The following ANKRD10 variants were observed in gnomAD, a reference collection of about 807,000 sequenced individuals.
The protein encoded by ANKRD10 is ankyrin repeat domain-containing protein 10.
ANKRD10 carries 14 observed loss-of-function variants against 27.0 expected under a neutral mutation model. The observed-to-expected ratio is 0.52, with a 90% confidence interval of 0.34 to 0.81. The LOEUF is 0.81. Among genes scored for constraint, ANKRD10 ranks in the 40% least tolerant of loss-of-function variants. The probability of loss-of-function intolerance (pLI) is 0.01; values close to 1 mark genes in which losing one functional copy is unlikely to be tolerated. For synonymous variants in ANKRD10, 250 were observed against 224.5 expected (o/e 1.11, Z -1.01); for missense variants, 493 against 544.0 (o/e 0.91, Z 0.93).
Position 110,893,095 on chromosome 13 carries a change from C to T in ANKRD10, c.624G>A (p.Val208=). ...CCAAGCATCTCTTTCGATTTGTTCC[C>T]ACACTAATATGATTAGGAAATACAT... ...HQNVFPNHIS[V]GTNRKRCLED... Residue 208 remains valine, a synonymous_variant, in exon 4 of 6, where the codon GTG becomes GTA. Transcript: ENST00000267339. 6.2e-7 allele frequency: 1 copy of T among 1,614,188 alleles called. No individual in the cohort carries two copies. The highest frequency in any genetic ancestry group is 8.5e-7 in the Non-Finnish European group (1 of 1,180,038).
At chr13:110,906,811 A>C (rs1371260636) in intron 2 of ANKRD10, among the ~76,000 whole-genome samples, 1 of 151,880 alleles carries the variant, frequency 6.6e-6, no homozygotes, top group Non-Finnish European at 1.5e-5. Context: ...TGGTTCAGAA[A>C]GTGCAGAGGG....
intron 3 of ANKRD10, among the ~76,000 whole-genome samples, chr13:110,902,255 T>C (rs2065406198): frequency 6.6e-6 from 1 of 152,172 alleles, no homozygotes; most frequent in South Asian, 2.1e-4. Flanking sequence ...AAATCTAGGT[T>C]ACATTTTGCT....
rs563921041 is a variant in ANKRD10, at chr13:110,890,660, T to G, written c.691+2368A>C. Among the ~76,000 whole-genome samples the G allele has an allele frequency of 2.0e-5, 3 of 152,330 alleles. No individual in the cohort carries two copies. In the South Asian group the frequency reaches 6.2e-4, roughly 32 times the overall value. ...TCACAGAAACATCAGTCATGTACTGTGTACCTGCAACAGTGGCTCAACCTG... is the reference window on the plus strand; with the variant it reads ...TCACAGAAACATCAGTCATGTACTGGGTACCTGCAACAGTGGCTCAACCTG... On this transcript the variant is annotated intron_variant, in intron 4 of 5. Coordinates refer to ENST00000267339, the MANE Select transcript of ANKRD10 (RefSeq NM_017664.4).
At chr13:110,880,946 A>C (rs1034952850) in intron 5 of ANKRD10, among the ~76,000 whole-genome samples, 2 of 152,172 alleles carry the variant, frequency 1.3e-5, no homozygotes, top group African/African-American at 4.8e-5. Flanking sequence ...ACTTTCAAAA[A>C]CCACCTTTGC....
chr13:110,891,202 C>A (rs1174139118), intron 4 of ANKRD10, among the ~76,000 whole-genome samples: 1 of 152,092 alleles, frequency 6.6e-6, no homozygotes, highest in East Asian at 1.9e-4. Flanking sequence ...ATGTACAATT[C>A]GTGCATGAGG....
At chr13:110,903,374 C>T (rs1045231277) in intron 3 of ANKRD10, 1 of 153,396 alleles carries the variant, frequency 6.5e-6, no homozygotes, top group Non-Finnish European at 1.5e-5. Flanking sequence ...TAATAATGAC[C>T]AACATATAAG....
intron 1 of ANKRD10, among the ~76,000 whole-genome samples, chr13:110,913,972 G>T (rs537773931): frequency 2.0e-5 from 3 of 152,206 alleles, no homozygotes; most frequent in Non-Finnish European, 2.9e-5. Flanking sequence ...AAAAAGAGGG[G>T]AACGTAAAGC....
rs1338239831 is a variant in ANKRD10, at chr13:110,893,111, G to C, written c.608C>G (p.Pro203Arg). Residue 203 changes from proline (P) to arginine (R), a missense_variant, in exon 4 of 6, where the codon CCT (proline) becomes CGT (arginine). Pro to Arg is a moderately radical substitution (Grantham distance 103, BLOSUM62 -2). Transcript: ENST00000267339. ...ATTTGTTCCCACACTAATATGATTA[G>C]GAAATACATTCTGATGACCCCCATT... ...ILNGGHQNVF[P>R]NHISVGTNRK... 1 of 1,614,186 alleles carries C rather than the reference G, an allele frequency of 6.2e-7. No homozygotes were observed. The highest frequency in any genetic ancestry group is 8.5e-7 in the Non-Finnish European group (1 of 1,180,016).
chr13:110,887,462 G>GT (rs926564887), intron 4 of ANKRD10, among the ~76,000 whole-genome samples: 1 of 152,180 alleles, frequency 6.6e-6, no homozygotes, highest in African/African-American at 2.4e-5. Context: ...AAACAGGACT[G>GT]TAATTGCCAG....
intron 4 of ANKRD10, chr13:110,892,694 C>G: frequency 3.0e-6 from 3 of 983,860 alleles, no homozygotes; most frequent in Non-Finnish European, 3.6e-6. Flanking sequence ...AAAAAAAATT[C>G]AGGCACAGTG....
chr13:110,889,729 G>A (rs1566456314), intron 4 of ANKRD10, among the ~76,000 whole-genome samples: 1 of 152,118 alleles, frequency 6.6e-6, no homozygotes, highest in Non-Finnish European at 1.5e-5. Context: ...CTTTTTTAAA[G>A]GGTGAATTTT....
chr13:110,910,800 C>T (rs771188210), intron 1 of ANKRD10, 30 bp from the exon 2 acceptor site: 12 of 1,605,096 alleles, frequency 7.5e-6, no homozygotes, highest in East Asian at 2.2e-5. Flanking sequence ...AATGAAAACA[C>T]GCAGACATGT....
At chr13:110,890,394 G>A (rs1354805357) in intron 4 of ANKRD10, among the ~76,000 whole-genome samples, 3 of 152,174 alleles carry the variant, frequency 2.0e-5, no homozygotes, top group Admixed American at 6.5e-5. Flanking sequence ...ATAGGGAAAC[G>A]AGTGGTGGGA....
At chr13:110,893,377 G>C in intron 3 of ANKRD10, 114 bp from the exon 4 acceptor site, 2 of 937,628 alleles carry the variant, frequency 2.1e-6, no homozygotes, top group Non-Finnish European at 1.6e-6. Context: ...CAAATTCATA[G>C]CAAATCTTCA....
chr13:110,894,053 T>C (rs1169236902), intron 3 of ANKRD10: 1 of 1,248,204 alleles, frequency 8.0e-7, no homozygotes. Flanking sequence ...AAGTAGGAAG[T>C]GATGGCAGAG....
intron 3 of ANKRD10, chr13:110,894,235 G>T: frequency 6.8e-7 from 1 of 1,479,782 alleles, no homozygotes; most frequent in Non-Finnish European, 9.4e-7. Context: ...TTAGCTGCAG[G>T]TTGATAAACA....
At chr13:110,904,728 A>C (rs954774614) in intron 3 of ANKRD10, among the ~76,000 whole-genome samples, 2 of 152,250 alleles carry the variant, frequency 1.3e-5, no homozygotes, top group Non-Finnish European at 2.9e-5. Context: ...ACATACTATC[A>C]ATTGTTTCTA....
intron 1 of ANKRD10, among the ~76,000 whole-genome samples, chr13:110,914,142 G>A (rs796386170): frequency 1.3e-5 from 2 of 152,310 alleles, no homozygotes; most frequent in African/African-American, 2.4e-5. Context: ...ACAGCTGCCG[G>A]GGCCTTCCAG....
intron 2 of ANKRD10, among the ~76,000 whole-genome samples, chr13:110,910,080 T>C (rs1013670188): frequency 6.6e-6 from 1 of 152,210 alleles, no homozygotes; most frequent in Non-Finnish European, 1.5e-5. Context: ...GAAATGATAC[T>C]GAAAACACAC....
Sources: gnomAD v4.1 joint callset for allele counts (sites outside exome capture counted in the v4.1 genomes callset) on GRCh38, gnomAD v4.1.1 for gene constraint, MANE v1.5 for transcripts, NCBI Gene and HGNC (gene_info 2026-07-23, HGNC 2026-07-21) for gene names.